Variants in P2RY14 observed in about 807,000 individuals in gnomAD.
P2RY14 encodes P2Y purinoceptor 14.
Under a neutral mutation model 0.9 loss-of-function variants are expected in P2RY14, and 2 were observed. The observed-to-expected ratio is 2.16, with a 90% CI of 0.88 to 6.79. The LOEUF (loss-of-function observed/expected upper bound fraction) is 6.79, where lower values mean the gene tolerates loss of function less well. Among genes scored for constraint, P2RY14 ranks in the 30% most tolerant of loss-of-function variants. The pLI, the probability that P2RY14 is intolerant of heterozygous loss-of-function variation, is 0.05. For synonymous variants in P2RY14, 158 were observed against 147.2 expected (o/e 1.07, Z -0.53); for missense variants, 378 against 400.1 (o/e 0.94, Z 0.47).
At chr3:151,255,837 A>T (rs1399557455) in intron 1 of P2RY14, among the ~76,000 whole-genome samples, 3 of 152,242 alleles carry the variant, frequency 2.0e-5, no homozygotes, top group Admixed American at 6.5e-5. Flanking sequence ...TGTATAAACC[A>T]GGAGACCTCA....
At chr3:151,245,541 C>T (rs1735232576) in intron 1 of P2RY14, among the ~76,000 whole-genome samples, 1 of 149,122 alleles carries the variant, frequency 6.7e-6, no homozygotes, top group African/African-American at 2.5e-5. Flanking sequence ...TCAATAGATG[C>T]AGAAAAGGCC....
intron 2 of P2RY14, among the ~76,000 whole-genome samples, chr3:151,214,981 G>C (rs538145285): frequency 3.0e-4 from 45 of 152,206 alleles, no homozygotes; most frequent in African/African-American, 1.0e-3. Flanking sequence ...GAGCTATTCA[G>C]ACGGACCTTA....
At chr3:151,246,940 C>G (rs1292632217) in intron 1 of P2RY14, among the ~76,000 whole-genome samples, 1 of 152,088 alleles carries the variant, frequency 6.6e-6, no homozygotes. Flanking sequence ...ACAAACAACC[C>G]CATCAAAAAG....
chr3:151,213,443 G>C lies in P2RY14; in HGVS notation c.874C>G (p.Pro292Ala), dbSNP rs978641151. ...TGGCATAGAAAGAAATAAATAATAG[G>C]GTCCAAGCATACATTTGCAGCAGAT... ...LLSAANVCLD[P>A]IIYFFLCQPF... The change falls in exon 3 of 3, where the codon CCT becomes GCT. Residue 292 changes from proline to alanine, a missense_variant. Pro to Ala is a conservative substitution (Grantham distance 27). Coordinates refer to ENST00000309170, the MANE Select transcript of P2RY14 (RefSeq NM_014879.4). 3 of 1,613,972 alleles carry C rather than the reference G, an allele frequency of 1.9e-6. No homozygotes were observed. The highest frequency in any genetic ancestry group is 2.5e-6 in the Non-Finnish European group (3 of 1,180,000).
chr3:151,241,967 CA>C (rs1274363047), intron 1 of P2RY14: 2 of 153,232 alleles, frequency 1.3e-5, no homozygotes, highest in African/African-American at 4.8e-5. Context: ...TTGGGAAGCA[CA>C]AGGGGTCAGG....
At chr3:151,237,643 G>A (rs375876932) in intron 1 of P2RY14, among the ~76,000 whole-genome samples, 9 of 152,038 alleles carry the variant, frequency 5.9e-5, no homozygotes, top group Admixed American at 1.3e-4. Flanking sequence ...GAGCCACTGC[G>A]CCCAGCCGCC....
At chr3:151,277,570 T>A (rs897825126) in intron 1 of P2RY14, among the ~76,000 whole-genome samples, 1 of 152,214 alleles carries the variant, frequency 6.6e-6, no homozygotes, top group African/African-American at 2.4e-5. Flanking sequence ...ACAAGATGGA[T>A]TGCATGGGCT....
intron 1 of P2RY14, among the ~76,000 whole-genome samples, chr3:151,273,836 G>A (rs1362675452): frequency 6.6e-6 from 1 of 152,120 alleles, no homozygotes; most frequent in Admixed American, 6.5e-5. Flanking sequence ...ATAAAACTTG[G>A]TGATGCAGAC....
chr3:151,221,756 C>T (rs1267319603), intron 1 of P2RY14, among the ~76,000 whole-genome samples: 2 of 152,212 alleles, frequency 1.3e-5, no homozygotes, highest in Non-Finnish European at 2.9e-5. Flanking sequence ...GGGCAGGGCT[C>T]TCATGGAGAA....
At chr3:151,237,600 C>T (rs996152633) in intron 1 of P2RY14, among the ~76,000 whole-genome samples, 2 of 152,042 alleles carry the variant, frequency 1.3e-5, no homozygotes, top group Admixed American at 6.6e-5. Flanking sequence ...ATCTGCCCGC[C>T]TCGGCCTCCC....
At chr3:151,237,775 A>G (rs1733215751) in intron 1 of P2RY14, among the ~76,000 whole-genome samples, 1 of 152,160 alleles carries the variant, frequency 6.6e-6, no homozygotes, top group South Asian at 2.1e-4. Flanking sequence ...TTCTTATGAA[A>G]TGTTATTATA....
In P2RY14 at chr3:151,278,339, C is replaced by G. The variant is rs1053708780; in HGVS notation, c.-185G>C. ...TCATGCTTCACTCATTTTGAAATAC[C>G]TCTCATTGTAGGCTCCAAGGTAACA... On this transcript the variant is annotated 5_prime_UTR_variant, in exon 1 of 3. Coordinates refer to ENST00000309170, the MANE Select transcript of P2RY14 (RefSeq NM_014879.4). The G allele has an allele frequency of 2.0e-5, 3 of 151,690 alleles. No individual in the cohort carries two copies. The highest frequency in any genetic ancestry group is 4.4e-5 in the Non-Finnish European group (3 of 67,732). 9.4% of individuals were successfully genotyped at this position (151,690 alleles called of 1,614,324 possible).
chr3:151,233,478 A>T (rs1198012861), intron 1 of P2RY14, among the ~76,000 whole-genome samples: 1 of 152,248 alleles, frequency 6.6e-6, no homozygotes, highest in Non-Finnish European at 1.5e-5. Context: ...TCCCGCCTGT[A>T]ATCCCAACAC....
At chr3:151,228,465 C>T (rs904936538) in intron 1 of P2RY14, among the ~76,000 whole-genome samples, 4 of 152,008 alleles carry the variant, frequency 2.6e-5, no homozygotes, top group African/African-American at 7.3e-5. Context: ...TTCCCCTCTT[C>T]TTTAAGTTGA....
intron 1 of P2RY14, among the ~76,000 whole-genome samples, chr3:151,253,057 C>T (rs1737143706): frequency 6.6e-6 from 1 of 151,982 alleles, no homozygotes; most frequent in Admixed American, 6.6e-5. Flanking sequence ...AAACTAAAGT[C>T]CCTGTCTTTT....
At chr3:151,257,336 C>A (rs1005427956) in intron 1 of P2RY14, among the ~76,000 whole-genome samples, 1 of 152,148 alleles carries the variant, frequency 6.6e-6, no homozygotes, top group East Asian at 1.9e-4. Context: ...CATTTGTTGA[C>A]CTGTAGTCCT....
intron 1 of P2RY14, among the ~76,000 whole-genome samples, chr3:151,226,607 C>T (rs1730536846): frequency 6.7e-6 from 1 of 149,680 alleles, no homozygotes; most frequent in African/African-American, 2.4e-5. Flanking sequence ...GAGAAGTCAG[C>T]CAGTGTTTTT....
Position 151,213,515 on chromosome 3 carries a change from G to C in P2RY14, c.802C>G (p.Gln268Glu), listed in dbSNP as rs780275102. 1 of 1,614,080 alleles carries C rather than the reference G, an allele frequency of 6.2e-7. No homozygotes were observed. Among genetic ancestry groups the C allele is most frequent in the Non-Finnish European group, 8.5e-7 (1 of 1,179,958 alleles). Residue 268 changes from glutamine to glutamate, a missense_variant, in exon 3 of 3, where the codon CAG (glutamine) becomes GAG (glutamate). Gln to Glu is a conservative substitution (Grantham distance 29). Coordinates refer to ENST00000309170, the MANE Select transcript of P2RY14 (RefSeq NM_014879.4). The stretch of plus-strand genomic sequence containing the variant: ...ATATACCGCAAGATTTCTTTTGACT[G>C]GCAGCTGTAATGAGCTTCGGTCTGA... ...KSQTEAHYSC[Q>E]SKEILRYMKE... is the part of the protein sequence containing the mutation.
intron 1 of P2RY14, among the ~76,000 whole-genome samples, chr3:151,257,298 T>C (rs1737997106): frequency 6.6e-6 from 1 of 152,256 alleles, no homozygotes; most frequent in Non-Finnish European, 1.5e-5. Context: ...ACCTTTCCAC[T>C]GCGTATTAAT....
Sources: allele counts gnomAD v4.1 joint callset (sites outside exome capture counted in the v4.1 genomes callset), GRCh38; gene constraint gnomAD v4.1.1; transcripts MANE v1.5; gene names NCBI Gene and HGNC (gene_info 2026-07-23, HGNC 2026-07-21).